CLEC7A: variants seen among roughly 807,000 people sequenced by gnomAD.
CLEC7A encodes the protein C-type lectin domain containing 7A, also known as C-type lectin domain family 7 member A.
CLEC7A carries 25 observed loss-of-function variants against 26.9 expected under a neutral mutation model. That is an observed-to-expected ratio of 0.93 (90% CI 0.68 to 1.30). The LOEUF is 1.30. CLEC7A is among the 50% of genes most tolerant of loss of function. The pLI, the probability that CLEC7A is intolerant of heterozygous loss-of-function variation, is 0.00. For missense variants in CLEC7A, 275 were observed against 286.7 expected, an observed-to-expected ratio of 0.96 and a Z score of 0.29; for synonymous variants, 100 against 99.5, an observed-to-expected ratio of 1.01 and a Z score of -0.03.
chr12:10,124,355 C>T (rs963856986), intron 4 of CLEC7A, among the ~76,000 whole-genome samples: 7 of 152,156 alleles, frequency 4.6e-5, no homozygotes, highest in Non-Finnish European at 8.8e-5. Context: ...AGATTTATAA[C>T]ATAGAATTTT....
chr12:10,127,254 T>TCGCC, intron 2 of CLEC7A: 1 of 1,390,384 alleles, frequency 7.2e-7, no homozygotes. Context: ...AAATTTCTGG[T>TCGCC]GTATTCAAAG....
Position 10,118,302 on chromosome 12 carries a change from A to C in CLEC7A, c.*156T>G. 1.5e-6 allele frequency: 1 copy of C among 646,704 alleles called. No individual in the cohort carries two copies. Among genetic ancestry groups the C allele is most frequent in the East Asian group, 2.9e-5 (1 of 33,940 alleles). 40.1% of individuals were successfully genotyped at this position (646,704 alleles called of 1,614,324 possible). A position where few individuals can be genotyped will look rare whatever the true frequency, so the allele number is the denominator to read the frequency against. ...GTAGGTCGACAAATACAGAAATCACAGCCTCTCCCTTCAATTTCTTGGTTA... is the reference window on the plus strand; with the variant it reads ...GTAGGTCGACAAATACAGAAATCACCGCCTCTCCCTTCAATTTCTTGGTTA... On this transcript the variant is annotated 3_prime_UTR_variant, in exon 6 of 6. Transcript: ENST00000304084.
At chr12:10,127,135 T>A (rs1293847731) in intron 2 of CLEC7A, 16 of 1,148,734 alleles carry the variant, frequency 1.4e-5, no homozygotes, top group Admixed American at 2.7e-5. Context: ...AATTAAGGAA[T>A]GTCATGAAGA....
Position 10,116,908 on chromosome 12 carries a change from T to C in CLEC7A, c.*1550A>G, listed in dbSNP as rs1156938626. On this transcript the variant is annotated 3_prime_UTR_variant, in exon 6 of 6. Coordinates refer to ENST00000304084, the MANE Select transcript of CLEC7A (RefSeq NM_197947.3). ...TTAATCAACATTAGAGGACTGTAAATGCCTCCCTAGTAATACAGAAATATC... is the reference window on the plus strand; with the variant it reads ...TTAATCAACATTAGAGGACTGTAAACGCCTCCCTAGTAATACAGAAATATC... 4 of 152,164 alleles carry C rather than the reference T, an allele frequency of 2.6e-5. No homozygotes were observed. Among genetic ancestry groups the C allele is most frequent in the South Asian group, 4.1e-4 (2 of 4,824 alleles). 9.4% of individuals were successfully genotyped at this position (152,164 alleles called of 1,614,324 possible). A position where few individuals can be genotyped will look rare whatever the true frequency, so the allele number is the denominator to read the frequency against.
In CLEC7A at chr12:10,130,056, A is replaced by G; in HGVS notation, c.27T>C (p.Asn9=). The change falls in exon 1 of 6, where the codon AAT becomes AAC. Residue 9 remains asparagine, a synonymous_variant. Coordinates refer to ENST00000304084, the MANE Select transcript of CLEC7A (RefSeq NM_197947.3). The part of the protein sequence containing the change: MEYHPDLE[N]LDEDGYTQLH... Reference sequence around the variant, plus strand: ...ATTGAGTATATCCATCTTCATCCAAATTTTCTAAATCAGGATGATATTCCA... The same window carrying G: ...ATTGAGTATATCCATCTTCATCCAAGTTTTCTAAATCAGGATGATATTCCA... The G allele has an allele frequency of 6.2e-7, 1 of 1,603,120 alleles. No individual in the cohort carries two copies. The highest frequency in any genetic ancestry group is 2.2e-5 in the East Asian group (1 of 44,808).
chr12:10,127,032 TCTTTCAC>T, intron 2 of CLEC7A: 1 of 1,395,078 alleles, frequency 7.2e-7, no homozygotes, highest in Non-Finnish European at 9.4e-7. Flanking sequence ...AATAGCAACA[TCTTTCAC>T]CTTTCTTCTG....
rs777247198 is a variant in CLEC7A at position 10,125,339 on chromosome 12, T to A, written c.450A>T (p.Gln150His). The change falls in exon 4 of 6, where the codon CAA (glutamine) becomes CAT (histidine). Residue 150 changes from glutamine (Q) to histidine (H), a missense_variant. Transcript: ENST00000304084. ...SWDGSKRQCW[Q>H]LGSNLLKIDS... is the part of the protein sequence containing the mutation. ...CTATCTTTAGGAGATTAGAGCCCAG[T>A]TGCCAGCATTGTCTTTTACTTCCAT... The A allele has an allele frequency of 1.1e-5, 17 of 1,613,712 alleles. No individual in the cohort carries two copies. Among genetic ancestry groups the A allele is most frequent in the Admixed American group, 1.7e-5 (1 of 59,986 alleles).
In CLEC7A at chr12:10,125,364, T is replaced by TG; in HGVS notation, c.424_425insC (p.Asp142AlafsTer4). On this transcript the variant is annotated frameshift_variant, in exon 4 of 6. Coordinates refer to ENST00000304084, the MANE Select transcript of CLEC7A (RefSeq NM_197947.3). LOFTEE classifies it high-confidence loss of function. ...TTGCCAGCATTGTCTTTTACTTCCA[T>TG]CCCAGGAATTTAGTGACATGCTGAA... is the stretch of plus-strand genomic sequence containing the variant. 1.9e-6 allele frequency: 3 copies of TG among 1,613,580 alleles called. No homozygotes were observed. The highest frequency in any genetic ancestry group is 2.5e-6 in the Non-Finnish European group (3 of 1,179,784).
In CLEC7A at chr12:10,125,654, T is replaced by G. The variant is rs564932655; in HGVS notation, c.341-206A>C. 1.1e-3 allele frequency among the ~76,000 whole-genome samples: 165 copies of G among 152,338 alleles called. 6 individuals carry two copies. The South Asian group carries it at 0.033, about 31-fold the overall frequency. On this transcript the variant is annotated intron_variant, in intron 3 of 5. Transcript: ENST00000304084. ...ATTCATTTAAAATTTAAAAACAAAC[T>G]AGCTATAAATAGTATTTTAGGCAGC...
At chr12:10,126,184 C>T (rs1948276687) in intron 3 of CLEC7A, 1 of 984,448 alleles carries the variant, frequency 1.0e-6, no homozygotes, top group Non-Finnish European at 1.2e-6. Flanking sequence ...GTCATTCTTC[C>T]TTTCTAATGT....
Position 10,125,330 on chromosome 12 carries a change from A to G in CLEC7A, c.459T>C (p.Ser153=). The change falls in exon 4 of 6, where the codon TCT becomes TCC. Residue 153 remains serine, a synonymous_variant. Transcript: ENST00000304084. The part of the protein sequence containing the change: ...GSKRQCWQLG[S]NLLKIDSSNE... Reference sequence around the variant, plus strand: ...TTGAGCTGTCTATCTTTAGGAGATTAGAGCCCAGTTGCCAGCATTGTCTTT... The same window carrying G: ...TTGAGCTGTCTATCTTTAGGAGATTGGAGCCCAGTTGCCAGCATTGTCTTT... The G allele has an allele frequency of 1.9e-6, 3 of 1,613,852 alleles. No homozygotes were observed. Among genetic ancestry groups the G allele is most frequent in the South Asian group, 2.2e-5 (2 of 91,086 alleles).
intron 2 of CLEC7A, chr12:10,127,006 C>T: frequency 7.2e-7 from 1 of 1,381,940 alleles, no homozygotes. Context: ...GTCAATTGGA[C>T]CCATGACAGA....
In CLEC7A at chr12:10,125,285, G is replaced by A. The variant is rs756111334; in HGVS notation, c.492+12C>T. The A allele has an allele frequency of 1.9e-6, 3 of 1,609,266 alleles. No individual in the cohort carries two copies. In the South Asian group the frequency reaches 3.3e-5, roughly 18 times the overall value. ...CACACCACAGATAATCATAACAGAA[G>A]TCTACACTTACCAATTCATTTGAGC... On this transcript the variant is annotated intron_variant, in intron 4 of 5. Transcript: ENST00000304084.
Position 10,123,311 on chromosome 12 carries a change from C to T in CLEC7A, c.545G>A (p.Gly182Asp). 2 of 1,613,586 alleles carry T rather than the reference C, an allele frequency of 1.2e-6. No individual in the cohort carries two copies. Among genetic ancestry groups the T allele is most frequent in the Non-Finnish European group, 1.7e-6 (2 of 1,179,542 alleles). Reference protein sequence around the residue: ...SSQPDNSFWIGLSRPQTEVPW... With the variant: ...SSQPDNSFWIDLSRPQTEVPW... ...TACCTCAGTCTGGGGCCGAGAAAGG[C>T]CTATCCAAAATGAATTATCAGGTTG... The change falls in exon 5 of 6, where the codon GGC becomes GAC. Residue 182 changes from glycine (G) to aspartate (D), a missense_variant. Gly to Asp is a moderately conservative substitution (Grantham distance 94). Transcript: ENST00000304084.
intron 2 of CLEC7A, chr12:10,127,040 C>T (rs533137510): frequency 4.0e-4 from 554 of 1,394,472 alleles, no homozygotes; most frequent in Admixed American, 4.7e-4. Context: ...CATCTTTCAC[C>T]TTTCTTCTGT....
intron 5 of CLEC7A, among the ~76,000 whole-genome samples, chr12:10,119,713 G>A (rs781601428): frequency 1.3e-5 from 2 of 152,082 alleles, no homozygotes; most frequent in African/African-American, 2.4e-5. Context: ...ACCTGGTGGT[G>A]AGAACAGAGG....
Position 10,117,794 on chromosome 12 carries a change from C to A in CLEC7A, c.*664G>T, listed in dbSNP as rs538483104. On this transcript the variant is annotated 3_prime_UTR_variant, in exon 6 of 6. Coordinates refer to ENST00000304084, the MANE Select transcript of CLEC7A (RefSeq NM_197947.3). ...GAAGTTGAGGGTCAAATCGTGGCAA[C>A]ACACCGTGCACTTCAATGGCATTGT... 1 of 152,144 alleles carries A rather than the reference C, an allele frequency of 6.6e-6. No homozygotes were observed. Among genetic ancestry groups the A allele is most frequent in the Non-Finnish European group, 1.5e-5 (1 of 68,078 alleles). 9.4% of individuals were successfully genotyped at this position (152,144 alleles called of 1,614,324 possible). A position where few individuals can be genotyped will look rare whatever the true frequency, so the allele number is the denominator to read the frequency against.
intron 1 of CLEC7A, among the ~76,000 whole-genome samples, chr12:10,128,080 A>AG (rs1020984352): frequency 1.3e-5 from 2 of 151,130 alleles, no homozygotes; most frequent in Non-Finnish European, 3.0e-5. Context: ...AGAAAGAAAA[A>AG]AAATTTAATT....
At chr12:10,124,322 G>A (rs1279140679) in intron 4 of CLEC7A, among the ~76,000 whole-genome samples, 1 of 152,164 alleles carries the variant, frequency 6.6e-6, no homozygotes, top group African/African-American at 2.4e-5. Flanking sequence ...GTGAAAGTAG[G>A]TGTAGAAGTT....
Sources: gnomAD v4.1 joint callset for allele counts (sites outside exome capture counted in the v4.1 genomes callset) on GRCh38, gnomAD v4.1.1 for gene constraint, MANE v1.5 for transcripts, NCBI Gene and HGNC (gene_info 2026-07-23, HGNC 2026-07-21) for gene names.